MAP3K20: variants seen among roughly 807,000 people sequenced by gnomAD.
MAP3K20 encodes HCCS-4.
A neutral mutation model predicts 85.7 loss-of-function variants in MAP3K20; 40 were observed. That is an observed-to-expected ratio of 0.47 (90% confidence interval 0.36 to 0.61). The LOEUF (loss-of-function observed/expected upper bound fraction) is 0.61, where lower values mean the gene tolerates loss of function less well. Ranked by LOEUF, MAP3K20 falls within the 20% of genes least tolerant of loss-of-function variation. The probability of loss-of-function intolerance (pLI) is 0.00; values close to 1 mark genes in which losing one functional copy is unlikely to be tolerated. For synonymous variants in MAP3K20, 325 were observed against 327.7 expected, an observed-to-expected ratio of 0.99 and a Z score of 0.09; for missense variants, 817 against 961.7, an observed-to-expected ratio of 0.85 and a Z score of 1.99.
intron 3 of MAP3K20, among the ~76,000 whole-genome samples, chr2:173,180,600 C>A (rs1574083842): frequency 6.6e-6 from 1 of 151,966 alleles, no homozygotes; most frequent in Admixed American, 6.6e-5. Flanking sequence ...TGCTTAAACC[C>A]AGGAGGTTGA....
intron 2 of MAP3K20, among the ~76,000 whole-genome samples, chr2:173,164,866 G>C (rs1261541846): frequency 6.6e-6 from 1 of 152,094 alleles, no homozygotes; most frequent in Non-Finnish European, 1.5e-5. Flanking sequence ...GTTTTCCCCT[G>C]TAAACTTATA....
At chr2:173,126,659 C>T (rs1280922291) in intron 2 of MAP3K20, among the ~76,000 whole-genome samples, 2 of 152,158 alleles carry the variant, frequency 1.3e-5, no homozygotes, top group African/African-American at 2.4e-5. Context: ...GGATTACAGG[C>T]GTGAGCCACC....
intron 1 of MAP3K20, among the ~76,000 whole-genome samples, chr2:173,085,215 AG>A (rs1687113861): frequency 6.6e-6 from 1 of 152,190 alleles, no homozygotes; most frequent in South Asian, 2.1e-4. Flanking sequence ...TTAGAACTGT[AG>A]TGGGGTCATT....
chr2:173,220,188 A>G (rs937876942), intron 11 of MAP3K20, among the ~76,000 whole-genome samples: 2 of 152,208 alleles, frequency 1.3e-5, no homozygotes, highest in African/African-American at 4.8e-5. Context: ...CAAAAACATA[A>G]GCCTTGATTT....
At chr2:173,160,308 G>A (rs1689618811) in intron 2 of MAP3K20, 1 of 152,110 alleles carries the variant, frequency 6.6e-6, no homozygotes, top group Non-Finnish European at 1.5e-5. Context: ...TAACTCTCTG[G>A]TGATTATATA....
intron 1 of MAP3K20, among the ~76,000 whole-genome samples, chr2:173,088,365 G>C (rs1687199078): frequency 6.6e-6 from 1 of 152,202 alleles, no homozygotes; most frequent in Non-Finnish European, 1.5e-5. Flanking sequence ...GGAGGTTTGG[G>C]CAAGTATGCC....
intron 2 of MAP3K20, among the ~76,000 whole-genome samples, chr2:173,118,564 C>T (rs573981725): frequency 4.6e-5 from 7 of 152,104 alleles, no homozygotes; most frequent in African/African-American, 1.4e-4. Context: ...AGCACACCCA[C>T]ACATTCTCCA....
chr2:173,196,035 A>T (rs1449904527), intron 7 of MAP3K20, among the ~76,000 whole-genome samples: 1 of 151,920 alleles, frequency 6.6e-6, no homozygotes, highest in Non-Finnish European at 1.5e-5. Context: ...TTGGATTTGC[A>T]ATTTACTTCA....
chr2:173,077,253 A>G (rs1336549093), intron 1 of MAP3K20, among the ~76,000 whole-genome samples: 1 of 152,058 alleles, frequency 6.6e-6, no homozygotes, highest in African/African-American at 2.4e-5. Context: ...AACAGCTAGG[A>G]TTTAGTGGAT....
intron 16 of MAP3K20, among the ~76,000 whole-genome samples, chr2:173,250,527 T>C (rs1332965148): frequency 1.1e-4 from 17 of 152,240 alleles, no homozygotes; most frequent in Non-Finnish European, 5.9e-5. Flanking sequence ...GGCAGTGTCA[T>C]GGAAGCAGCT....
rs531989447 is a variant in MAP3K20 at position 173,146,235 on chromosome 2, T to G, written c.160-23570T>G. On this transcript the variant is annotated intron_variant, in intron 2 of 19. Transcript: ENST00000375213. ...AAAAAAGTTTCAGGTTTTTGTTGTT[T>G]TTTTTTTTAAGGCAAAGGAACAAGC... Among the ~76,000 whole-genome samples, 70 of 152,070 alleles carry G rather than the reference T, an allele frequency of 4.6e-4. 2 individuals carry two copies. In the South Asian group the frequency reaches 0.014, roughly 30 times the overall value.
chr2:173,192,089 T>C (rs967799880), intron 7 of MAP3K20, among the ~76,000 whole-genome samples: 2 of 105,698 alleles, frequency 1.9e-5, no homozygotes, highest in African/African-American at 5.9e-5. Context: ...ATTTATACTA[T>C]TATACTGCCC....
intron 2 of MAP3K20, among the ~76,000 whole-genome samples, chr2:173,128,731 T>G (rs1283027811): frequency 6.6e-6 from 1 of 152,048 alleles, no homozygotes; most frequent in Non-Finnish European, 1.5e-5. Flanking sequence ...AGTACATTGT[T>G]GAGCTGATTC....
chr2:173,121,706 A>G (rs983744836), intron 2 of MAP3K20, among the ~76,000 whole-genome samples: 4 of 152,034 alleles, frequency 2.6e-5, no homozygotes, highest in Admixed American at 6.6e-5. Context: ...ATTCTTATCT[A>G]GGATACGTGT....
intron 9 of MAP3K20, among the ~76,000 whole-genome samples, chr2:173,204,669 A>G (rs1230768131): frequency 6.6e-6 from 1 of 152,254 alleles, no homozygotes; most frequent in African/African-American, 2.4e-5. Context: ...GCTTCAAAAC[A>G]AAGTGAAGGG....
chr2:173,126,733 T>G (rs1431536193), intron 2 of MAP3K20, among the ~76,000 whole-genome samples: 1 of 152,162 alleles, frequency 6.6e-6, no homozygotes, highest in Non-Finnish European at 1.5e-5. Flanking sequence ...ATTAGCAGTC[T>G]AGAGGGAAGG....
At chr2:173,075,832 C>G (rs937851402), upstream of MAP3K20, 19 of 985,278 alleles carry the variant, frequency 1.9e-5, no homozygotes, top group African/African-American at 3.3e-4. Flanking sequence ...GGTGCTGTTG[C>G]CGTGACTGTC....
intron 19 of MAP3K20, among the ~76,000 whole-genome samples, chr2:173,264,683 C>T (rs1685372315): frequency 6.6e-6 from 1 of 151,754 alleles, no homozygotes; most frequent in Non-Finnish European, 1.5e-5. Context: ...GGGATGGAGA[C>T]TGAGCAAAAT....
At chr2:173,166,833 A>G (rs909859494) in intron 2 of MAP3K20, 2 of 152,120 alleles carry the variant, frequency 1.3e-5, no homozygotes, top group African/African-American at 4.8e-5. Flanking sequence ...ATCCCAGAAT[A>G]TAAATCTGGA....
Sources: gnomAD v4.1 joint callset for allele counts (sites outside exome capture counted in the v4.1 genomes callset) on GRCh38, gnomAD v4.1.1 for gene constraint, MANE v1.5 for transcripts, NCBI Gene and HGNC (gene_info 2026-07-23, HGNC 2026-07-21) for gene names.